Variants in CFAP210 observed in about 807,000 individuals in gnomAD.
The protein encoded by CFAP210 is cilia- and flagella- associated protein 210.
At chr2:169,648,984 A>C in the CFAP210 span, among the ~76,000 whole-genome samples, 1 of 152,228 alleles carries the variant, frequency 6.6e-6, no homozygotes, top group African/African-American at 2.4e-5. Flanking sequence ...ATAAACATTC[A>C]TTTAAAAGAT....
chr2:169,680,432 C>T, the CFAP210 span, among the ~76,000 whole-genome samples: 1 of 152,162 alleles, frequency 6.6e-6, no homozygotes. Flanking sequence ...AAGCATATGT[C>T]CATACATAGA....
At chr2:169,674,808 C>T in the CFAP210 span, 7 of 1,507,914 alleles carry the variant, frequency 4.6e-6, no homozygotes, top group Non-Finnish European at 8.8e-7. Context: ...GGAAATGATG[C>T]CTAATTATGT....
the CFAP210 span, among the ~76,000 whole-genome samples, chr2:169,671,167 C>G: frequency 6.6e-6 from 1 of 152,190 alleles, no homozygotes; most frequent in Non-Finnish European, 1.5e-5. Flanking sequence ...TTTCACAATG[C>G]CCCCTTTGTC....
the CFAP210 span, among the ~76,000 whole-genome samples, chr2:169,673,430 T>C: frequency 1.3e-5 from 2 of 152,108 alleles, no homozygotes; most frequent in Non-Finnish European, 2.9e-5. Flanking sequence ...CACAAACCTT[T>C]AGATCTCTAC....
At chr2:169,674,287 GC>G in the CFAP210 span, among the ~76,000 whole-genome samples, 4 of 152,062 alleles carry the variant, frequency 2.6e-5, no homozygotes, top group African/African-American at 9.7e-5. Context: ...AAGAAAAGCT[GC>G]CCAGCTGATT....
At chr2:169,664,054 C>T in the CFAP210 span, among the ~76,000 whole-genome samples, 2 of 149,482 alleles carry the variant, frequency 1.3e-5, no homozygotes. Flanking sequence ...AAAAATTTGG[C>T]CGGATGTGGT....
At chr2:169,693,745 TAGAG>T in the CFAP210 span, among the ~76,000 whole-genome samples, 2 of 152,298 alleles carry the variant, frequency 1.3e-5, no homozygotes, top group South Asian at 4.1e-4. Context: ...GCATTTGACT[TAGAG>T]AGAGACCTTA....
At chr2:169,692,728 G>C in the CFAP210 span, among the ~76,000 whole-genome samples, 37 of 152,322 alleles carry the variant, frequency 2.4e-4, 1 homozygote, top group South Asian at 7.3e-3. Flanking sequence ...TTTGAAGTCA[G>C]ACTAAATAAC....
chr2:169,661,097 C>T, the CFAP210 span: 1 of 551,846 alleles, frequency 1.8e-6, no homozygotes, highest in South Asian at 1.4e-5. Flanking sequence ...GTCAAGGCTC[C>T]CTGAAGACCT....
At chr2:169,676,259 C>T in the CFAP210 span, among the ~76,000 whole-genome samples, 5 of 151,646 alleles carry the variant, frequency 3.3e-5, no homozygotes, top group African/African-American at 1.2e-4. Context: ...ATAGTTTTTA[C>T]TACTATGGGT....
the CFAP210 span, among the ~76,000 whole-genome samples, chr2:169,656,689 C>T: frequency 6.6e-6 from 1 of 152,052 alleles, no homozygotes; most frequent in Non-Finnish European, 1.5e-5. Context: ...GTAGACCGGG[C>T]GTGGTGACTC....
the CFAP210 span, among the ~76,000 whole-genome samples, chr2:169,646,650 T>A: frequency 6.6e-6 from 1 of 152,148 alleles, no homozygotes; most frequent in African/African-American, 2.4e-5. Context: ...ACTAAAACCA[T>A]TTACATTATC....
chr2:169,693,464 T>C, the CFAP210 span, among the ~76,000 whole-genome samples: 1 of 152,236 alleles, frequency 6.6e-6, no homozygotes, highest in East Asian at 1.9e-4. Flanking sequence ...TATCCACTAG[T>C]GAAGAATGAC....
chr2:169,670,632 G>C, the CFAP210 span, among the ~76,000 whole-genome samples: 1 of 152,178 alleles, frequency 6.6e-6, no homozygotes. Flanking sequence ...AATGAGCCTG[G>C]AGAATCCACT....
chr2:169,692,750 T>C, the CFAP210 span, among the ~76,000 whole-genome samples: 6 of 152,192 alleles, frequency 3.9e-5, no homozygotes, highest in South Asian at 2.1e-4. Context: ...ATAAGCCTCA[T>C]GAGTGAGATT....
the CFAP210 span, among the ~76,000 whole-genome samples, chr2:169,654,556 G>A: frequency 6.6e-6 from 1 of 152,134 alleles, no homozygotes; most frequent in Non-Finnish European, 1.5e-5. Flanking sequence ...AGCAGAATAT[G>A]TAACATTACA....
At chr2:169,650,938 A>G in the CFAP210 span, among the ~76,000 whole-genome samples, 5 of 151,974 alleles carry the variant, frequency 3.3e-5, no homozygotes, top group South Asian at 4.2e-4. Context: ...CATCTCCACA[A>G]ATTTTTTAAG....
the CFAP210 span, chr2:169,674,766 C>T: frequency 6.4e-7 from 1 of 1,556,178 alleles, no homozygotes; most frequent in South Asian, 1.2e-5. Context: ...AGAAGAAGTC[C>T]CGACTACAAA....
At chr2:169,678,803 C>T in the CFAP210 span, among the ~76,000 whole-genome samples, 4 of 151,182 alleles carry the variant, frequency 2.6e-5, no homozygotes, top group African/African-American at 2.4e-5. Flanking sequence ...CCAGACTAGG[C>T]GACAGAGTGA....
Sources: allele counts gnomAD v4.1 joint callset (sites outside exome capture counted in the v4.1 genomes callset), GRCh38; gene constraint gnomAD v4.1.1; transcripts MANE v1.5; gene names NCBI Gene and HGNC (gene_info 2026-07-23, HGNC 2026-07-21).